Variants in DERA observed in about 807,000 individuals in gnomAD.
The protein encoded by DERA is deoxyribose-phosphate aldolase.
In DERA, 15 loss-of-function variants were observed where a neutral mutation model predicts 41.1. The observed-to-expected ratio is 0.37, with a 90% CI of 0.24 to 0.56. The LOEUF is 0.56. Ranked by LOEUF, DERA falls within the 20% of genes least tolerant of loss-of-function variation. The pLI, the probability that DERA is intolerant of heterozygous loss-of-function variation, is 0.81. For missense variants in DERA, 396 were observed against 403.4 expected (o/e 0.98, Z 0.16); for synonymous variants, 139 against 137.4 (o/e 1.01, Z -0.08).
At chr12:16,015,841 G>T (rs754617126) in intron 6 of DERA, among the ~76,000 whole-genome samples, 5 of 152,170 alleles carry the variant, frequency 3.3e-5, no homozygotes, top group Admixed American at 6.5e-5. Context: ...TTTGCCATTT[G>T]TCAGCTAATG....
chr12:15,963,098 A>C (rs1043694429), intron 5 of DERA, among the ~76,000 whole-genome samples, 151 bp downstream of exon 5: 7 of 152,178 alleles, frequency 4.6e-5, no homozygotes, highest in Non-Finnish European at 8.8e-5. Context: ...GGCTAAGATT[A>C]CCCATCCTTG....
chr12:15,911,336 C>T lies in DERA; in HGVS notation c.-48C>T, dbSNP rs1948160971. ...GGGAAGGAGGAAGGGCCGGGCGCGGCGCAGAGGCGGGCGCCTACCAGCCGG... is the reference window on the plus strand; with the variant it reads ...GGGAAGGAGGAAGGGCCGGGCGCGGTGCAGAGGCGGGCGCCTACCAGCCGG... On this transcript the variant is annotated 5_prime_UTR_variant, in exon 1 of 9. Transcript: ENST00000428559. The surrounding 1 kb of genome is among the most constrained non-coding windows in gnomAD (Gnocchi z 4.5). 2 of 1,441,862 alleles carry T rather than the reference C, an allele frequency of 1.4e-6. No homozygotes were observed. Among genetic ancestry groups the T allele is most frequent in the Non-Finnish European group, 9.0e-7 (1 of 1,105,074 alleles). The allele number at this position is 1,441,862 out of a possible 1,614,324, so 89.3% of individuals were successfully genotyped here.
At chr12:15,926,219 G>T (rs1948282320) in intron 1 of DERA, among the ~76,000 whole-genome samples, 1 of 151,636 alleles carries the variant, frequency 6.6e-6, no homozygotes, top group African/African-American at 2.4e-5. Context: ...TCAAGATGAA[G>T]TCTTGCTATG....
chr12:16,035,716 T>C lies in DERA; in HGVS notation c.751-516T>C, dbSNP rs992361608. Among the ~76,000 whole-genome samples, 5 of 152,218 alleles carry C rather than the reference T, an allele frequency of 3.3e-5. No homozygotes were observed. Among genetic ancestry groups the C allele is most frequent in the Non-Finnish European group, 7.3e-5 (5 of 68,030 alleles). On this transcript the variant is annotated intron_variant, in intron 7 of 8. Coordinates refer to ENST00000428559, the MANE Select transcript of DERA (RefSeq NM_015954.4). This position sits in a 1 kb window ranked among gnomAD's most constrained non-coding sequence, Gnocchi z 4.1. ...AAATTGGTTAAAACAACTGTCAACTTTCCTTGCTTTTTTGCTGCCAGTTTG... is the reference window on the plus strand; with the variant it reads ...AAATTGGTTAAAACAACTGTCAACTCTCCTTGCTTTTTTGCTGCCAGTTTG...
chr12:15,920,031 G>A (rs1948230622), intron 1 of DERA, among the ~76,000 whole-genome samples: 2 of 151,752 alleles, frequency 1.3e-5, no homozygotes, highest in African/African-American at 2.4e-5. Flanking sequence ...AGAGAGGGAG[G>A]GAGGGAGAGA....
chr12:15,929,683 T>C (rs1358099159), intron 1 of DERA, among the ~76,000 whole-genome samples: 1 of 152,152 alleles, frequency 6.6e-6, no homozygotes, highest in African/African-American at 2.4e-5. Flanking sequence ...CTGGAGAGTA[T>C]TTGATTTTTT....
chr12:15,959,979 A>G lies in DERA; in HGVS notation c.373+55A>G, dbSNP rs1948571747. 2.3e-6 allele frequency: 3 copies of G among 1,300,684 alleles called. No homozygotes were observed. Among genetic ancestry groups the G allele is most frequent in the East Asian group, 2.6e-5 (1 of 39,140 alleles). 80.6% of individuals were successfully genotyped at this position (1,300,684 alleles called of 1,614,324 possible). A position where few individuals can be genotyped will look rare whatever the true frequency, so the allele number is the denominator to read the frequency against. On this transcript the variant is annotated intron_variant, in intron 4 of 8. Transcript: ENST00000428559. This position sits in a 1 kb window ranked among gnomAD's most constrained non-coding sequence, Gnocchi z 4.5. ...TTTTTAAACATGTTTCCAGTTCTTC[A>G]TACAATGGGGTATTATATGTAGGTT...
At position 15,921,528 on chromosome 12, in the gene DERA, A is replaced by G. The variant is rs887643279; in HGVS notation, c.31+10114A>G. Reference sequence around the variant, plus strand: ...AAGAAAGTAGGTTGTAACAATTCCTATTGTATTTGGTGAAGGAGCTCAAGA... The same window carrying G: ...AAGAAAGTAGGTTGTAACAATTCCTGTTGTATTTGGTGAAGGAGCTCAAGA... On this transcript the variant is annotated intron_variant, in intron 1 of 8. Transcript: ENST00000428559. This position sits in a 1 kb window ranked among gnomAD's most constrained non-coding sequence, Gnocchi z 5.3. Among the ~76,000 whole-genome samples the G allele has an allele frequency of 2.6e-5, 4 of 152,132 alleles. No individual in the cohort carries two copies. The highest frequency in any genetic ancestry group is 2.9e-5 in the Non-Finnish European group (2 of 68,034).
rs201422006 is a variant in DERA, at chr12:15,986,782, T to C, written c.637+4346T>C. Among the ~76,000 whole-genome samples the C allele has an allele frequency of 4.6e-5, 7 of 152,378 alleles. No individual in the cohort carries two copies. The East Asian group carries it at 1.3e-3, about 29-fold the overall frequency. Reference sequence around the variant, plus strand: ...TCCCTAAATGTATCACTTTAGTCTTTATTTCTTCCTATAAATATGAGTTTC... The same window carrying C: ...TCCCTAAATGTATCACTTTAGTCTTCATTTCTTCCTATAAATATGAGTTTC... On this transcript the variant is annotated intron_variant, in intron 6 of 8. Coordinates refer to ENST00000428559, the MANE Select transcript of DERA (RefSeq NM_015954.4).
In DERA at chr12:15,970,805, C is replaced by T. The variant is rs1948654314; in HGVS notation, c.508+7858C>T. 1.3e-5 allele frequency among the ~76,000 whole-genome samples: 2 copies of T among 152,252 alleles called. No individual in the cohort carries two copies. Among genetic ancestry groups the T allele is most frequent in the South Asian group, 4.1e-4 (2 of 4,824 alleles). ...ACCAAACTACCAAGTAGATATTTAT[C>T]CTTTGGTTTAAATTCAGATTCCATT... is the stretch of plus-strand genomic sequence containing the variant. On this transcript the variant is annotated intron_variant, in intron 5 of 8. Coordinates refer to ENST00000428559, the MANE Select transcript of DERA (RefSeq NM_015954.4). The surrounding 1 kb of genome is among the most constrained non-coding windows in gnomAD (Gnocchi z 4.3).
At chr12:15,925,390 T>C (rs1384447346) in intron 1 of DERA, among the ~76,000 whole-genome samples, 2 of 152,126 alleles carry the variant, frequency 1.3e-5, no homozygotes, top group Non-Finnish European at 2.9e-5. Context: ...CACATGCCCC[T>C]TAACACCAAA....
chr12:15,997,976 C>T (rs1565609457), intron 6 of DERA, among the ~76,000 whole-genome samples: 1 of 152,168 alleles, frequency 6.6e-6, no homozygotes, highest in Non-Finnish European at 1.5e-5. Flanking sequence ...CCTCAAACCT[C>T]TCATTTTAAA....
chr12:15,986,675 A>T (rs1948766300), intron 6 of DERA, among the ~76,000 whole-genome samples: 1 of 151,924 alleles, frequency 6.6e-6, no homozygotes, highest in Admixed American at 6.5e-5. Context: ...CTCTTACTAC[A>T]ATGATACGAA....
rs537433123 is a variant in DERA, at chr12:16,009,152, G to C, written c.638-23390G>C. On this transcript the variant is annotated intron_variant, in intron 6 of 8. Coordinates refer to ENST00000428559, the MANE Select transcript of DERA (RefSeq NM_015954.4). The surrounding 1 kb of genome is among the most constrained non-coding windows in gnomAD (Gnocchi z 5.3). ...CCAAGCACTTAGTAATTTTCAGAAA[G>C]GGAGACTTATTCTGTTCCTCCTCCT... Among the ~76,000 whole-genome samples, 1 of 152,300 alleles carries C rather than the reference G, an allele frequency of 6.6e-6. No individual in the cohort carries two copies. Among genetic ancestry groups the C allele is most frequent in the African/African-American group, 2.4e-5 (1 of 41,560 alleles).
intron 5 of DERA, among the ~76,000 whole-genome samples, chr12:15,980,655 G>A (rs1244673582): frequency 6.6e-6 from 1 of 152,116 alleles, no homozygotes; most frequent in African/African-American, 2.4e-5. Flanking sequence ...GGGTAAGGTA[G>A]GTGGTGTGGC....
intron 6 of DERA, among the ~76,000 whole-genome samples, chr12:16,027,368 A>C (rs1949060317): frequency 6.6e-6 from 1 of 152,222 alleles, no homozygotes; most frequent in African/African-American, 2.4e-5. Flanking sequence ...ATAGGTTCAC[A>C]TCCTAATCCC....
chr12:15,931,799 GA>G lies in DERA; in HGVS notation c.31+20387del, dbSNP rs1284381806. 6.6e-6 allele frequency among the ~76,000 whole-genome samples: 1 copy of G among 152,112 alleles called. No individual in the cohort carries two copies. Among genetic ancestry groups the G allele is most frequent in the Non-Finnish European group, 1.5e-5 (1 of 68,032 alleles). On this transcript the variant is annotated intron_variant, in intron 1 of 8. Transcript: ENST00000428559. This position sits in a 1 kb window ranked among gnomAD's most constrained non-coding sequence, Gnocchi z 4.6. ...GGTGAGTGAGTTCTTGCTCTCTTGG[GA>G]ATAGATTAATTCTCATGAGAGTGGG...
Position 15,928,686 on chromosome 12 carries a change from T to A in DERA, c.31+17272T>A, listed in dbSNP as rs762943564. ...AGAGTTTCCCCTATTAAAAGCTGTC[T>A]GGGAGAAGAATAGAAAATTCGGCTC... On this transcript the variant is annotated intron_variant, in intron 1 of 8. Transcript: ENST00000428559. This position sits in a 1 kb window ranked among gnomAD's most constrained non-coding sequence, Gnocchi z 4.6. Among the ~76,000 whole-genome samples, 9 of 151,944 alleles carry A rather than the reference T, an allele frequency of 5.9e-5. No homozygotes were observed. Among genetic ancestry groups the A allele is most frequent in the Non-Finnish European group, 1.3e-4 (9 of 68,030 alleles).
In DERA at chr12:16,014,375, C is replaced by T. The variant is rs567926820; in HGVS notation, c.638-18167C>T. 2.0e-5 allele frequency among the ~76,000 whole-genome samples: 3 copies of T among 152,318 alleles called. No individual in the cohort carries two copies. The highest frequency in any genetic ancestry group is 7.2e-5 in the African/African-American group (3 of 41,566). On this transcript the variant is annotated intron_variant, in intron 6 of 8. Transcript: ENST00000428559. The surrounding 1 kb of genome is among the most constrained non-coding windows in gnomAD (Gnocchi z 5.4). ...AGGGCCTTGCTACTTTGTATAGTCT[C>T]AGGACTTGGTGCCCTGCATCCCGGC...
Sources: gnomAD v4.1 joint callset for allele counts (sites outside exome capture counted in the v4.1 genomes callset) on GRCh38, gnomAD v4.1.1 for gene constraint, Gnocchi (gnomAD v3.1) non-coding constraint, MANE v1.5 for transcripts, NCBI Gene and HGNC (gene_info 2026-07-23, HGNC 2026-07-21) for gene names.